The following CFAP299 variants were observed in gnomAD, a reference collection of about 807,000 sequenced individuals.
CFAP299 encodes the protein cilia and flagella associated protein 299, also known as cilia- and flagella-associated protein 299.
A neutral mutation model predicts 27.0 loss-of-function variants in CFAP299; 21 were observed. The observed-to-expected ratio is 0.78, with a 90% CI of 0.55 to 1.12. The LOEUF (loss-of-function observed/expected upper bound fraction) is 1.12, where lower values mean the gene tolerates loss of function less well. Among genes scored for constraint, CFAP299 ranks in the 50% most tolerant of loss-of-function variants. The probability of loss-of-function intolerance (pLI) is 0.00; values close to 1 mark genes in which losing one functional copy is unlikely to be tolerated. For missense variants in CFAP299, 310 were observed against 276.6 expected, an observed-to-expected ratio of 1.12 and a Z score of -0.86; for synonymous variants, 104 against 98.1, an observed-to-expected ratio of 1.06 and a Z score of -0.36.
At chr4:80,628,874 T>C (rs1451297250) in intron 3 of CFAP299, among the ~76,000 whole-genome samples, 2 of 152,176 alleles carry the variant, frequency 1.3e-5, no homozygotes, top group Non-Finnish European at 2.9e-5. Flanking sequence ...TTGGTGAGAA[T>C]GTAAATTGAT....
intron 3 of CFAP299, among the ~76,000 whole-genome samples, chr4:80,820,148 T>A (rs2110123443): frequency 6.6e-6 from 1 of 152,282 alleles, no homozygotes; most frequent in South Asian, 2.1e-4. Context: ...TAGACAGGTA[T>A]GTAAGTATTT....
intron 3 of CFAP299, among the ~76,000 whole-genome samples, chr4:80,710,900 A>G (rs1182440702): frequency 6.6e-6 from 1 of 152,162 alleles, no homozygotes; most frequent in Non-Finnish European, 1.5e-5. Context: ...CTTAAAGAGT[A>G]GTGTAAGGAA....
chr4:80,753,166 T>C (rs554133351), intron 3 of CFAP299, among the ~76,000 whole-genome samples: 1 of 152,042 alleles, frequency 6.6e-6, no homozygotes, highest in South Asian at 2.1e-4. Flanking sequence ...ATATTTTGTT[T>C]AGTGAAAGTC....
intron 4 of CFAP299, among the ~76,000 whole-genome samples, chr4:80,931,841 A>G (rs1174425341): frequency 1.3e-5 from 2 of 152,180 alleles, no homozygotes; most frequent in African/African-American, 4.8e-5. Context: ...CAAGTTTTCA[A>G]CAGGAATCAC....
At chr4:80,325,419 G>C in the CFAP299 span, among the ~76,000 whole-genome samples, 2 of 152,080 alleles carry the variant, frequency 1.3e-5, no homozygotes, top group Non-Finnish European at 2.9e-5. Context: ...TATATTTACT[G>C]TTCAGATTAT....
At chr4:80,430,906 T>C (rs1727780944) in intron 2 of CFAP299, among the ~76,000 whole-genome samples, 1 of 152,224 alleles carries the variant, frequency 6.6e-6, no homozygotes, top group Non-Finnish European at 1.5e-5. Context: ...CCAGATGTTG[T>C]CCAACACCAG....
chr4:80,848,423 AC>A (rs1731303237), intron 3 of CFAP299, among the ~76,000 whole-genome samples: 1 of 152,092 alleles, frequency 6.6e-6, no homozygotes, highest in Admixed American at 6.5e-5. Flanking sequence ...TAGGCTACCA[AC>A]CTGTGCAATG....
chr4:80,566,095 G>T (rs1304889100), intron 2 of CFAP299, among the ~76,000 whole-genome samples: 1 of 152,018 alleles, frequency 6.6e-6, no homozygotes, highest in Non-Finnish European at 1.5e-5. Context: ...TTTGGCCCAA[G>T]AACTCCTGTA....
chr4:80,751,276 T>C (rs1341553014), intron 3 of CFAP299, among the ~76,000 whole-genome samples: 1 of 152,064 alleles, frequency 6.6e-6, no homozygotes, highest in Non-Finnish European at 1.5e-5. Context: ...GGGACCCCTA[T>C]TGGGAGGTCT....
At chr4:80,434,653 C>G (rs1727979270) in intron 2 of CFAP299, among the ~76,000 whole-genome samples, 1 of 152,166 alleles carries the variant, frequency 6.6e-6, no homozygotes, top group Non-Finnish European at 1.5e-5. Context: ...CCTCTGTTTT[C>G]TTTATGAACT....
intron 3 of CFAP299, among the ~76,000 whole-genome samples, chr4:80,712,198 G>A (rs779285818): frequency 6.6e-6 from 1 of 152,114 alleles, no homozygotes; most frequent in African/African-American, 2.4e-5. Context: ...TAAGGCATTT[G>A]GTTACTGTCC....
At chr4:80,458,530 T>C (rs1392782658) in intron 2 of CFAP299, among the ~76,000 whole-genome samples, 1 of 152,228 alleles carries the variant, frequency 6.6e-6, no homozygotes, top group East Asian at 1.9e-4. Flanking sequence ...TCTTTGTGTA[T>C]TTTTTATATT....
At chr4:80,456,830 C>A (rs1360275459) in intron 2 of CFAP299, among the ~76,000 whole-genome samples, 1 of 152,038 alleles carries the variant, frequency 6.6e-6, no homozygotes, top group Non-Finnish European at 1.5e-5. Context: ...AGGAATGAGT[C>A]CTGCAACACT....
chr4:80,395,711 T>C (rs1725743317), intron 2 of CFAP299, among the ~76,000 whole-genome samples: 1 of 152,170 alleles, frequency 6.6e-6, no homozygotes, highest in South Asian at 2.1e-4. Context: ...GTAAGTAAAC[T>C]TCTGGCAGTT....
At chr4:80,713,909 G>A (rs2110039147) in intron 3 of CFAP299, among the ~76,000 whole-genome samples, 1 of 152,206 alleles carries the variant, frequency 6.6e-6, no homozygotes, top group South Asian at 2.1e-4. Context: ...TTAACTTCCA[G>A]TTTATAATCA....
chr4:80,681,289 A>G (rs1383742964), intron 3 of CFAP299, among the ~76,000 whole-genome samples: 39 of 152,116 alleles, frequency 2.6e-4, no homozygotes, highest in Non-Finnish European at 4.4e-5. Context: ...GCATATGCAT[A>G]TGTCTGTTAA....
intron 3 of CFAP299, among the ~76,000 whole-genome samples, chr4:80,640,994 T>C (rs1160455292): frequency 6.6e-6 from 1 of 152,168 alleles, no homozygotes; most frequent in African/African-American, 2.4e-5. Flanking sequence ...AGATATAAAG[T>C]TTTAGTATCT....
At chr4:80,337,276 C>A (rs916221164) in intron 1 of CFAP299, among the ~76,000 whole-genome samples, 2 of 151,932 alleles carry the variant, frequency 1.3e-5, no homozygotes, top group African/African-American at 4.8e-5. Flanking sequence ...CAAATTTAAA[C>A]CTAGTATTAT....
chr4:80,735,837 A>T (rs184558789), intron 3 of CFAP299, among the ~76,000 whole-genome samples: 11 of 152,164 alleles, frequency 7.2e-5, no homozygotes, highest in African/African-American at 2.6e-4. Context: ...ATGCAGTTTG[A>T]TAGTATTTTG....
Sources: allele counts gnomAD v4.1 joint callset (sites outside exome capture counted in the v4.1 genomes callset), GRCh38; gene constraint gnomAD v4.1.1; transcripts MANE v1.5; gene names NCBI Gene and HGNC (gene_info 2026-07-23, HGNC 2026-07-21).